Variants in NUCB2 observed in about 807,000 individuals in gnomAD.
NUCB2 encodes nucleobindin 2.
A neutral mutation model predicts 57.9 loss-of-function variants in NUCB2; 48 were observed. The observed-to-expected ratio is 0.83, with a 90% CI of 0.66 to 1.05. The LOEUF (loss-of-function observed/expected upper bound fraction) is 1.05. Among genes scored for constraint, NUCB2 ranks in the 50% least tolerant of loss-of-function variants. The pLI is 0.00. For missense variants in NUCB2, 442 were observed against 476.2 expected, an observed-to-expected ratio of 0.93 and a Z score of 0.67; for synonymous variants, 139 against 152.1, an observed-to-expected ratio of 0.91 and a Z score of 0.64.
chr11:17,280,384 A>T (rs1176549796), intron 1 of NUCB2, among the ~76,000 whole-genome samples: 3 of 152,186 alleles, frequency 2.0e-5, no homozygotes, highest in Non-Finnish European at 4.4e-5. Context: ...CATACACTTG[A>T]TATTTTATTT....
intron 2 of NUCB2, among the ~76,000 whole-genome samples, chr11:17,348,319 G>GTTTTTTTTTTT (rs55741571): frequency 1.2e-5 from 1 of 84,470 alleles, no homozygotes; most frequent in Non-Finnish European, 2.1e-5. Flanking sequence ...TTGTTTTTGT[G>GTTTTTTTTTTT]TTTTTTTTTT....
intron 3 of NUCB2, chr11:17,295,694 A>G (rs1374703952): frequency 2.1e-6 from 1 of 475,900 alleles, no homozygotes; most frequent in Non-Finnish European, 3.7e-6. Context: ...CCATTACACA[A>G]TATTTATTTA....
chr11:17,310,787 A>C, intron 6 of NUCB2, 38 bp from the exon 7 acceptor site: 1 of 1,487,968 alleles, frequency 6.7e-7, no homozygotes. Flanking sequence ...TTTCAAGTGA[A>C]TGTTTTTATT....
intron 11 of NUCB2, 78 bp downstream of exon 11, chr11:17,315,553 C>A (rs1949116914): frequency 2.5e-6 from 2 of 785,434 alleles, no homozygotes; most frequent in Non-Finnish European, 4.2e-6. Context: ...ACTTTTATTC[C>A]CCATTATGTT....
chr11:17,346,359 G>A (rs1164240186), intron 2 of NUCB2, among the ~76,000 whole-genome samples: 1 of 152,176 alleles, frequency 6.6e-6, no homozygotes, highest in Non-Finnish European at 1.5e-5. Flanking sequence ...ATGCAGACAA[G>A]TTTGGGAACC....
At chr11:17,318,904 C>T (rs1207316149) in intron 11 of NUCB2, among the ~76,000 whole-genome samples, 3 of 152,108 alleles carry the variant, frequency 2.0e-5, no homozygotes, top group East Asian at 1.9e-4. Flanking sequence ...GAGCTGGGCA[C>T]GGTGGTGCCT....
In NUCB2 at chr11:17,312,163, T is replaced by C. The variant is rs753467676; in HGVS notation, c.912+43T>C. The C allele has an allele frequency of 5.3e-6, 5 of 942,292 alleles. No individual in the cohort carries two copies. The Admixed American group carries it at 1.2e-4, about 23-fold the overall frequency. 58.4% of individuals were successfully genotyped at this position (942,292 alleles called of 1,614,324 possible). A position where few individuals can be genotyped will look rare whatever the true frequency, so the allele number is the denominator to read the frequency against. On this transcript the variant is annotated intron_variant, in intron 10 of 13. Coordinates refer to ENST00000529010, the MANE Select transcript of NUCB2 (RefSeq NM_005013.4). ...AAGATAATATGTTATTTCTATGTATTATTTAATTCTTGCAATAAATCTTTA... is the reference window on the plus strand; with the variant it reads ...AAGATAATATGTTATTTCTATGTATCATTTAATTCTTGCAATAAATCTTTA...
chr11:17,281,320 A>C (rs768097341), intron 1 of NUCB2, among the ~76,000 whole-genome samples: 4 of 151,490 alleles, frequency 2.6e-5, no homozygotes, highest in Non-Finnish European at 4.4e-5. Context: ...GGGTTTCACC[A>C]TGTTGCCCAG....
At position 17,282,366 on chromosome 11, in the gene NUCB2, C is replaced by T. The variant is rs556331991; in HGVS notation, c.-155-423C>T. ...CTCTGCTTCCCAGGTTTAAGCGATT[C>T]TTGTGCCTAAGCCTCTTGAATAGCT... On this transcript the variant is annotated intron_variant, in intron 1 of 13. Transcript: ENST00000529010. Among the ~76,000 whole-genome samples the T allele has an allele frequency of 9.9e-4, 150 of 150,980 alleles. 1 individual carries two copies. The highest frequency in any genetic ancestry group is 6.8e-3 in the Middle Eastern group (2 of 292).
At chr11:17,342,475 C>T (rs1174561920) in intron 2 of NUCB2, among the ~76,000 whole-genome samples, 1 of 151,766 alleles carries the variant, frequency 6.6e-6, no homozygotes, top group African/African-American at 2.4e-5. Context: ...CCTCTACACA[C>T]TGCTTTGAAT....
At chr11:17,329,347 CA>C (rs1428291695) in intron 11 of NUCB2, among the ~76,000 whole-genome samples, 1 of 152,178 alleles carries the variant, frequency 6.6e-6, no homozygotes, top group Non-Finnish European at 1.5e-5. Context: ...CCCAGCCTAG[CA>C]CTAGGAGTTG....
At chr11:17,288,963 ATTTTT>A (rs1555071216) in intron 2 of NUCB2, among the ~76,000 whole-genome samples, 3 of 68,100 alleles carry the variant, frequency 4.4e-5, no homozygotes, top group African/African-American at 2.1e-4. Flanking sequence ...ATATATATAT[ATTTTT>A]TTTTTTTGAG....
chr11:17,346,244 T>C (rs564901559), intron 2 of NUCB2, among the ~76,000 whole-genome samples: 19 of 152,298 alleles, frequency 1.2e-4, no homozygotes, highest in South Asian at 2.1e-4. Flanking sequence ...AGTGATAGCA[T>C]TGAAGTGGAA....
intron 2 of NUCB2, among the ~76,000 whole-genome samples, chr11:17,347,671 T>C (rs1259385409): frequency 6.6e-6 from 1 of 152,242 alleles, no homozygotes; most frequent in East Asian, 1.9e-4. Flanking sequence ...TTTATAATAA[T>C]TTTTTCATGA....
rs1414124132 is a variant in NUCB2, at chr11:17,315,456, T to C, written c.983T>C (p.Leu328Ser). The C allele has an allele frequency of 1.2e-6, 2 of 1,607,226 alleles. No homozygotes were observed. Among genetic ancestry groups the C allele is most frequent in the East Asian group, 2.2e-5 (1 of 44,732 alleles). Residue 328 changes from leucine (L) to serine (S), a missense_variant, in exon 11 of 14, where the codon TTG becomes TCG. Transcript: ENST00000529010. ...AAAGCCACAGAAAAAAAAGAATTCT[T>C]GGAGCCAGATAGCTGGGAGGTAATA... is the stretch of plus-strand genomic sequence containing the variant. ...FLKATEKKEFLEPDSWETLDQ... is the reference protein window; with the variant it reads ...FLKATEKKEFSEPDSWETLDQ...
rs1356368569 is a variant in NUCB2, at chr11:17,331,719, T to C, written c.*300T>C. 4 of 278,000 alleles carry C rather than the reference T, an allele frequency of 1.4e-5. No individual in the cohort carries two copies. Among genetic ancestry groups the C allele is most frequent in the Non-Finnish European group, 2.6e-5 (4 of 151,044 alleles). 17.2% of individuals were successfully genotyped at this position (278,000 alleles called of 1,614,324 possible). A position where few individuals can be genotyped will look rare whatever the true frequency, so the allele number is the denominator to read the frequency against. On this transcript the variant is annotated 3_prime_UTR_variant, in exon 14 of 14. Coordinates refer to ENST00000529010, the MANE Select transcript of NUCB2 (RefSeq NM_005013.4). The stretch of plus-strand genomic sequence containing the variant: ...AATTAAGTGGCTTTATGCCATAATT[T>C]AGTGAAACTATTAGGAACTATTTAA...
At chr11:17,320,252 G>A (rs1949842884) in intron 11 of NUCB2, among the ~76,000 whole-genome samples, 1 of 152,144 alleles carries the variant, frequency 6.6e-6, no homozygotes, top group Non-Finnish European at 1.5e-5. Flanking sequence ...CATATTTCAT[G>A]CAAAACCTAA....
chr11:17,331,077 GATGTT>G (rs545033485), intron 13 of NUCB2, 94 bp downstream of exon 13: 165 of 882,140 alleles, frequency 1.9e-4, no homozygotes, highest in African/African-American at 2.9e-4. Context: ...AAATCATTAA[GATGTT>G]ATGTTATTTT....
intron 2 of NUCB2, among the ~76,000 whole-genome samples, chr11:17,341,528 G>A (rs1300254165): frequency 6.6e-6 from 1 of 152,088 alleles, no homozygotes; most frequent in African/African-American, 2.4e-5. Context: ...AGCATGAAGT[G>A]TTGTTGAATT....
Sources: gnomAD v4.1 joint callset for allele counts (sites outside exome capture counted in the v4.1 genomes callset) on GRCh38, gnomAD v4.1.1 for gene constraint, MANE v1.5 for transcripts, NCBI Gene and HGNC (gene_info 2026-07-23, HGNC 2026-07-21) for gene names.